Variants in NOL4L observed in about 807,000 individuals in gnomAD.
NOL4L encodes nucleolar protein 4-like.
NOL4L carries 7 observed loss-of-function variants against 64.5 expected under a neutral mutation model. The ratio of observed to expected loss-of-function variants is 0.11; its 90% CI spans 0.06 to 0.20. The LOEUF is 0.20. Ranked by LOEUF, NOL4L falls within the 10% of genes least tolerant of loss-of-function variation. NOL4L has a pLI of 1.00. For missense variants in NOL4L, 680 were observed against 967.1 expected (o/e 0.70, Z 3.94); for synonymous variants, 413 against 401.0 (o/e 1.03, Z -0.36).
At chr20:32,536,973 C>T in intron 1 of NOL4L, 1 of 775,734 alleles carries the variant, frequency 1.3e-6, no homozygotes, top group Non-Finnish European at 1.6e-6. Context: ...CCCGCCCACC[C>T]CACGCGCACC....
intron 1 of NOL4L, chr20:32,560,986 G>A (rs1275122413): frequency 6.6e-6 from 1 of 152,288 alleles, no homozygotes; most frequent in Non-Finnish European, 1.5e-5. Flanking sequence ...CTGGGCTGCT[G>A]GGGGGGCCCA....
chr20:32,536,845 A>G, intron 1 of NOL4L, among the ~76,000 whole-genome samples: 1 of 123,442 alleles, frequency 8.1e-6, no homozygotes, highest in Non-Finnish European at 1.7e-5. Flanking sequence ...GACACGCAGG[A>G]ACGGGGGCGT....
intron 5 of NOL4L, among the ~76,000 whole-genome samples, chr20:32,462,561 G>A (rs879583479): frequency 6.6e-6 from 1 of 151,674 alleles, no homozygotes; most frequent in Non-Finnish European, 1.5e-5. Flanking sequence ...GAGACTGGGG[G>A]CAGTTGGGTT....
chr20:32,564,700 G>GT (rs1370207616), intron 1 of NOL4L, among the ~76,000 whole-genome samples: 3 of 152,254 alleles, frequency 2.0e-5, no homozygotes, highest in Non-Finnish European at 4.4e-5. Context: ...GAATCTCCGA[G>GT]TTGTGTGGGC....
chr20:32,450,585 G>C (rs531468568), intron 10 of NOL4L, among the ~76,000 whole-genome samples: 2 of 152,160 alleles, frequency 1.3e-5, no homozygotes, highest in African/African-American at 2.4e-5. Context: ...AGGTGTGAAC[G>C]GGCAGGCATG....
At chr20:32,554,206 A>G (rs1006160900) in intron 1 of NOL4L, among the ~76,000 whole-genome samples, 1 of 151,624 alleles carries the variant, frequency 6.6e-6, no homozygotes, top group African/African-American at 2.4e-5. Context: ...CTGTAGTCCC[A>G]GCTACTCGGG....
chr20:32,527,919 A>T lies in NOL4L; in HGVS notation c.322-6T>A. On this transcript the variant is annotated splice_polypyrimidine_tract_variant and splice_region_variant and intron_variant, in intron 1 of 10. Coordinates refer to ENST00000621426, the MANE Select transcript of NOL4L (RefSeq NM_001256798.2). Reference sequence around the variant, plus strand: ...TCCGACAGGCCATCTGCCCCCTGCGACAGGGTGGACAAGCTGTGTTAGTGT... The same window carrying T: ...TCCGACAGGCCATCTGCCCCCTGCGTCAGGGTGGACAAGCTGTGTTAGTGT... 2 of 1,549,688 alleles carry T rather than the reference A, an allele frequency of 1.3e-6. No homozygotes were observed. The highest frequency in any genetic ancestry group is 1.7e-6 in the Non-Finnish European group (2 of 1,146,502).
intron 5 of NOL4L, among the ~76,000 whole-genome samples, chr20:32,470,807 C>T (rs1465095593): frequency 6.6e-6 from 1 of 152,224 alleles, no homozygotes; most frequent in Admixed American, 6.5e-5. Context: ...CTTTGGTTCC[C>T]TAGCTGCCCT....
intron 1 of NOL4L, among the ~76,000 whole-genome samples, chr20:32,562,227 G>A (rs1194423959): frequency 6.6e-6 from 1 of 152,136 alleles, no homozygotes; most frequent in East Asian, 1.9e-4. Context: ...TGGGGAGCAT[G>A]AGATGTCAGA....
intron 1 of NOL4L, among the ~76,000 whole-genome samples, chr20:32,575,175 T>C (rs1050174328): frequency 6.6e-6 from 1 of 152,146 alleles, no homozygotes; most frequent in Non-Finnish European, 1.5e-5. Context: ...GTGAGCTCCC[T>C]GCTGTGCCTG....
chr20:32,454,679 G>A (rs1432421617), intron 6 of NOL4L, among the ~76,000 whole-genome samples: 3 of 152,216 alleles, frequency 2.0e-5, no homozygotes, highest in Non-Finnish European at 2.9e-5. Context: ...TTGTGCCTTC[G>A]ATGTGTCCTA....
intron 4 of NOL4L, among the ~76,000 whole-genome samples, chr20:32,501,848 A>G (rs1040889279): frequency 1.3e-5 from 2 of 152,214 alleles, no homozygotes; most frequent in Non-Finnish European, 2.9e-5. Context: ...ATCAAAAGAG[A>G]GAGAGCTACG....
intron 1 of NOL4L, chr20:32,560,968 C>T: frequency 6.6e-6 from 1 of 152,508 alleles, no homozygotes; most frequent in Non-Finnish European, 1.5e-5. Context: ...GGGCGGTGGG[C>T]AGTGTGCCTG....
rs559319275 is a variant in NOL4L at position 32,551,258 on chromosome 20, C to T, written c.322-23345G>A. Among the ~76,000 whole-genome samples the T allele has an allele frequency of 1.3e-3, 202 of 151,900 alleles. 1 individual carries two copies. Among genetic ancestry groups the T allele is most frequent in the African/African-American group, 4.5e-3 (185 of 41,418 alleles). ...GGGCGTGATGGTGGGTGCCTATAGTCCCAGCTACTTTGGAGGCCAAGGCTG... is the reference window on the plus strand; with the variant it reads ...GGGCGTGATGGTGGGTGCCTATAGTTCCAGCTACTTTGGAGGCCAAGGCTG... On this transcript the variant is annotated intron_variant, in intron 1 of 10. Transcript: ENST00000621426.
rs2013978124 is a variant in NOL4L, at chr20:32,460,915, G to A, written c.842-4520C>T. ...GAGCCATGGTGTCTCCCCTACTCTC[G>A]GCGACTCCTGCTCGCCCTTCTGTGC... On this transcript the variant is annotated intron_variant, in intron 5 of 10. Transcript: ENST00000621426. The surrounding 1 kb of genome is among the most constrained non-coding windows in gnomAD (Gnocchi z 5.7). Among the ~76,000 whole-genome samples, 1 of 152,178 alleles carries A rather than the reference G, an allele frequency of 6.6e-6. No individual in the cohort carries two copies. Among genetic ancestry groups the A allele is most frequent in the South Asian group, 2.1e-4 (1 of 4,832 alleles).
intron 5 of NOL4L, among the ~76,000 whole-genome samples, chr20:32,473,406 G>A (rs1171291961): frequency 1.3e-5 from 2 of 152,230 alleles, no homozygotes; most frequent in Non-Finnish European, 2.9e-5. Context: ...AGGCGGCACT[G>A]GCCTGGGAGG....
intron 1 of NOL4L, among the ~76,000 whole-genome samples, chr20:32,534,211 T>C (rs1443036998): frequency 1.3e-5 from 2 of 152,294 alleles, no homozygotes; most frequent in South Asian, 2.1e-4. Context: ...GTTTCTCCGA[T>C]GGTAGAAGAA....
intron 4 of NOL4L, among the ~76,000 whole-genome samples, chr20:32,486,391 G>C (rs1015949516): frequency 6.6e-6 from 1 of 152,158 alleles, no homozygotes. Context: ...CATCTGCTTC[G>C]GGGGGACAAT....
intron 4 of NOL4L, among the ~76,000 whole-genome samples, chr20:32,502,849 G>A (rs1245055145): frequency 6.6e-6 from 1 of 152,146 alleles, no homozygotes; most frequent in Non-Finnish European, 1.5e-5. Flanking sequence ...AGCAGAGGTT[G>A]CAACGAGCCG....
Sources: gnomAD v4.1 joint callset for allele counts (sites outside exome capture counted in the v4.1 genomes callset) on GRCh38, gnomAD v4.1.1 for gene constraint, Gnocchi (gnomAD v3.1) non-coding constraint, MANE v1.5 for transcripts, NCBI Gene and HGNC (gene_info 2026-07-23, HGNC 2026-07-21) for gene names.